Variants in EXOC6B observed in about 807,000 individuals in gnomAD.
EXOC6B encodes the protein exocyst complex component 6B, also known as SEC15 homolog B.
Under a neutral mutation model 113.5 loss-of-function variants are expected in EXOC6B, and 54 were observed. The observed-to-expected ratio is 0.48, with a 90% CI of 0.38 to 0.60. The LOEUF (loss-of-function observed/expected upper bound fraction) is 0.60, where lower values mean the gene tolerates loss of function less well. EXOC6B is among the 20% of genes least tolerant of loss of function. The pLI, the probability that EXOC6B is intolerant of heterozygous loss-of-function variation, is 0.00. For synonymous variants in EXOC6B, 357 were observed against 339.0 expected (o/e 1.05, Z -0.58); for missense variants, 797 against 977.5 (o/e 0.82, Z 2.46).
intron 6 of EXOC6B, among the ~76,000 whole-genome samples, chr2:72,593,052 C>T (rs1706073260): frequency 6.6e-6 from 1 of 152,034 alleles, no homozygotes; most frequent in African/African-American, 2.4e-5. Flanking sequence ...TGCAATGGAA[C>T]CTCCAAAAAA....
At chr2:72,452,916 C>G (rs1696996282) in intron 18 of EXOC6B, among the ~76,000 whole-genome samples, 1 of 152,116 alleles carries the variant, frequency 6.6e-6, no homozygotes, top group African/African-American at 2.4e-5. Context: ...CCTCAGTTGT[C>G]CTTAGTTGTG....
At chr2:72,746,101 T>C (rs1435706835) in intron 1 of EXOC6B, among the ~76,000 whole-genome samples, 1 of 152,062 alleles carries the variant, frequency 6.6e-6, no homozygotes, top group East Asian at 1.9e-4. Context: ...AAATGATATG[T>C]AAGGTACTCT....
intron 20 of EXOC6B, among the ~76,000 whole-genome samples, chr2:72,293,608 A>G (rs756931080): frequency 7.2e-5 from 11 of 152,148 alleles, no homozygotes; most frequent in Admixed American, 4.6e-4. Context: ...GCTAATAGGT[A>G]TCTGGTTTTT....
intron 18 of EXOC6B, among the ~76,000 whole-genome samples, chr2:72,415,158 T>A (rs564696406): frequency 6.6e-5 from 10 of 152,332 alleles, no homozygotes; most frequent in African/African-American, 2.4e-4. Flanking sequence ...GGTATTCATT[T>A]ACATTTTCAA....
intron 18 of EXOC6B, among the ~76,000 whole-genome samples, chr2:72,417,090 A>AT (rs964365109): frequency 6.6e-6 from 1 of 152,160 alleles, no homozygotes; most frequent in South Asian, 2.1e-4. Flanking sequence ...TCTGGTATCA[A>AT]TTTTTTTATC....
intron 20 of EXOC6B, among the ~76,000 whole-genome samples, chr2:72,242,740 C>A (rs1022366354): frequency 3.6e-4 from 55 of 152,158 alleles, no homozygotes; most frequent in Admixed American, 6.5e-5. Flanking sequence ...ATATAAGAAA[C>A]TATTTATTTA....
intron 20 of EXOC6B, among the ~76,000 whole-genome samples, chr2:72,263,003 A>C (rs1226498373): frequency 6.6e-6 from 1 of 152,194 alleles, no homozygotes; most frequent in Non-Finnish European, 1.5e-5. Flanking sequence ...TTTCCTCTGA[A>C]AGCAAGATCC....
chr2:72,179,329 C>G lies in EXOC6B; in HGVS notation c.*6G>C. 2 of 1,599,766 alleles carry G rather than the reference C, an allele frequency of 1.3e-6. No individual in the cohort carries two copies. Among genetic ancestry groups the G allele is most frequent in the Middle Eastern group, 1.7e-4 (1 of 5,736 alleles). ...CAGGTCGCCTCTGTGGGTCCGGGGT[C>G]ACCCTTCATGAGTGGTGGCTGCTGA... On this transcript the variant is annotated 3_prime_UTR_variant, in exon 22 of 22. Coordinates refer to ENST00000272427, the MANE Select transcript of EXOC6B (RefSeq NM_015189.3).
chr2:72,771,038 T>C (rs375786660), intron 1 of EXOC6B, among the ~76,000 whole-genome samples: 1 of 152,250 alleles, frequency 6.6e-6, no homozygotes, highest in East Asian at 1.9e-4. Context: ...GAAGAAACAA[T>C]TGCTGATGAG....
At chr2:72,617,411 T>C (rs1241718252) in intron 6 of EXOC6B, among the ~76,000 whole-genome samples, 1 of 151,932 alleles carries the variant, frequency 6.6e-6, no homozygotes, top group Admixed American at 6.6e-5. Flanking sequence ...GCAGAGGTTC[T>C]CCATGAGGGA....
chr2:72,801,238 A>G (rs1007875556), intron 1 of EXOC6B, among the ~76,000 whole-genome samples: 1 of 152,174 alleles, frequency 6.6e-6, no homozygotes, highest in African/African-American at 2.4e-5. Flanking sequence ...CAATAACTGT[A>G]CCTTGTCCTT....
chr2:72,760,248 T>C (rs1440397311), intron 1 of EXOC6B, among the ~76,000 whole-genome samples: 1 of 152,220 alleles, frequency 6.6e-6, no homozygotes, highest in East Asian at 1.9e-4. Flanking sequence ...CCAGAACCAA[T>C]GATCTGGATC....
At chr2:72,287,670 C>T (rs1380151880) in intron 20 of EXOC6B, among the ~76,000 whole-genome samples, 6 of 152,028 alleles carry the variant, frequency 3.9e-5, no homozygotes, top group South Asian at 4.1e-4. Flanking sequence ...TTATGAATGA[C>T]TTTATGCCAA....
intron 6 of EXOC6B, among the ~76,000 whole-genome samples, chr2:72,657,847 T>C (rs986736659): frequency 2.6e-5 from 4 of 151,590 alleles, no homozygotes; most frequent in African/African-American, 9.7e-5. Context: ...GTTCACAATA[T>C]ACTACTTGAC....
chr2:72,769,026 G>A (rs901615430), intron 1 of EXOC6B, among the ~76,000 whole-genome samples: 1 of 152,068 alleles, frequency 6.6e-6, no homozygotes, highest in African/African-American at 2.4e-5. Flanking sequence ...CTGGAGATAG[G>A]TGGCAGTTTT....
intron 6 of EXOC6B, among the ~76,000 whole-genome samples, chr2:72,661,062 G>A (rs1674975688): frequency 6.6e-6 from 1 of 152,228 alleles, no homozygotes; most frequent in South Asian, 2.1e-4. Flanking sequence ...GCCCACAGGA[G>A]CTCAAACTCT....
intron 1 of EXOC6B, among the ~76,000 whole-genome samples, chr2:72,780,764 C>G (rs1683984532): frequency 6.6e-6 from 1 of 152,004 alleles, no homozygotes; most frequent in South Asian, 2.1e-4. Context: ...AAGAGGAAGT[C>G]AGAGTAAATA....
At chr2:72,528,509 C>G (rs989874910) in intron 8 of EXOC6B, among the ~76,000 whole-genome samples, 1 of 151,948 alleles carries the variant, frequency 6.6e-6, no homozygotes, top group African/African-American at 2.4e-5. Flanking sequence ...TAAAATTTGT[C>G]TTAGCTATTC....
At chr2:72,229,358 G>A (rs555650625) in intron 20 of EXOC6B, among the ~76,000 whole-genome samples, 12 of 152,182 alleles carry the variant, frequency 7.9e-5, no homozygotes, top group Non-Finnish European at 1.5e-4. Flanking sequence ...AGAGAAGCAG[G>A]CGGAGATTAG....
Sources: allele counts gnomAD v4.1 joint callset (sites outside exome capture counted in the v4.1 genomes callset), GRCh38; gene constraint gnomAD v4.1.1; transcripts MANE v1.5; gene names NCBI Gene and HGNC (gene_info 2026-07-23, HGNC 2026-07-21).